Variants in ABCA12 observed in about 807,000 individuals in gnomAD.
The protein encoded by ABCA12 is ATP binding cassette subfamily A member 12.
A neutral mutation model predicts 293.5 loss-of-function variants in ABCA12; 156 were observed. The observed-to-expected ratio is 0.53, with a 90% CI of 0.47 to 0.61. The LOEUF (loss-of-function observed/expected upper bound fraction) is 0.61, where lower values mean the gene tolerates loss of function less well. Among genes scored for constraint, ABCA12 ranks in the 20% least tolerant of loss-of-function variants. The pLI is 0.00. For synonymous variants in ABCA12, 1,063 were observed against 1,108.0 expected (o/e 0.96, Z 0.81); for missense variants, 2,797 against 3,090.2 (o/e 0.91, Z 2.25).
chr2:214,966,592 A>G (rs1008262895), intron 39 of ABCA12, among the ~76,000 whole-genome samples: 1 of 152,202 alleles, frequency 6.6e-6, no homozygotes, highest in Non-Finnish European at 1.5e-5. Flanking sequence ...TGCTTGGTTG[A>G]CAGCAGACAT....
At chr2:215,124,953 C>T (rs1241337874) in intron 1 of ABCA12, among the ~76,000 whole-genome samples, 3 of 152,146 alleles carry the variant, frequency 2.0e-5, no homozygotes, top group African/African-American at 7.2e-5. Context: ...CGGTTTAAGT[C>T]CTTAATCCAC....
chr2:215,129,197 T>G (rs1702996425), intron 1 of ABCA12, among the ~76,000 whole-genome samples: 1 of 152,186 alleles, frequency 6.6e-6, no homozygotes, highest in African/African-American at 2.4e-5. Context: ...GCTTCTCCTG[T>G]GGAGGTGTGT....
intron 1 of ABCA12, among the ~76,000 whole-genome samples, chr2:215,118,999 C>T (rs1198667417): frequency 6.6e-6 from 1 of 151,964 alleles, no homozygotes; most frequent in Non-Finnish European, 1.5e-5. Flanking sequence ...TTTTTGAGAC[C>T]GATTCTCACT....
chr2:215,048,046 C>T (rs1029849444), intron 6 of ABCA12, among the ~76,000 whole-genome samples: 1 of 151,008 alleles, frequency 6.6e-6, no homozygotes, highest in East Asian at 1.9e-4. Flanking sequence ...CATATACCTA[C>T]AGCCAACAAG....
intron 41 of ABCA12, 47 bp downstream of exon 41, chr2:214,958,230 C>A (rs771527429): frequency 2.5e-6 from 4 of 1,606,468 alleles, no homozygotes; most frequent in Non-Finnish European, 2.6e-6. Context: ...TGTCTTCTAT[C>A]CAAATTGATC....
chr2:215,050,880 A>G (rs1036374293), intron 5 of ABCA12: 2 of 887,114 alleles, frequency 2.3e-6, no homozygotes, highest in African/African-American at 3.6e-5. Flanking sequence ...TTGCTGACAT[A>G]GGCATCAATA....
intron 4 of ABCA12, among the ~76,000 whole-genome samples, chr2:215,052,932 T>C (rs961082187): frequency 3.3e-5 from 5 of 152,096 alleles, no homozygotes; most frequent in African/African-American, 1.2e-4. Flanking sequence ...GTGCCTACAC[T>C]AGCTCCACAG....
chr2:215,094,448 C>T (rs1045114979), intron 2 of ABCA12, among the ~76,000 whole-genome samples: 2 of 152,176 alleles, frequency 1.3e-5, no homozygotes, highest in African/African-American at 4.8e-5. Context: ...AAGTTGTCCA[C>T]CTATCAATCC....
chr2:215,127,368 G>C (rs549810855), intron 1 of ABCA12, among the ~76,000 whole-genome samples: 2 of 152,080 alleles, frequency 1.3e-5, no homozygotes, highest in African/African-American at 4.8e-5. Flanking sequence ...CCTTGATGAC[G>C]TGTCTAATGC....
At position 215,039,231 on chromosome 2, in the gene ABCA12, T is replaced by C. The variant is rs184417703; in HGVS notation, c.873-2166A>G. ...GTTGGTTTATATACAACATACAATG[T>C]AAAAAAATGCTGGAGAAATAACAAA... is the stretch of plus-strand genomic sequence containing the variant. On this transcript the variant is annotated intron_variant, in intron 7 of 52. Transcript: ENST00000272895. 8.7e-4 allele frequency among the ~76,000 whole-genome samples: 132 copies of C among 152,198 alleles called. 1 individual carries two copies. Among genetic ancestry groups the C allele is most frequent in the Non-Finnish European group, 1.4e-3 (96 of 68,010 alleles).
At chr2:214,985,090 G>T (rs1699757375) in intron 28 of ABCA12, among the ~76,000 whole-genome samples, 2 of 152,122 alleles carry the variant, frequency 1.3e-5, no homozygotes, top group African/African-American at 4.8e-5. Context: ...TATGAACAAA[G>T]GAATATGCAG....
At chr2:215,028,733 TTA>T (rs1480990477) in intron 9 of ABCA12, among the ~76,000 whole-genome samples, 5 of 152,328 alleles carry the variant, frequency 3.3e-5, no homozygotes, top group Middle Eastern at 3.4e-3. Flanking sequence ...ACTAACCCTA[TTA>T]TATAGGTTAT....
chr2:215,119,510 T>C (rs904403942), intron 1 of ABCA12, among the ~76,000 whole-genome samples: 2 of 152,098 alleles, frequency 1.3e-5, no homozygotes, highest in Middle Eastern at 3.2e-3. Context: ...TCCAGTTTTA[T>C]TCTTCTGCAT....
At chr2:215,085,251 C>T (rs1559185443) in intron 2 of ABCA12, among the ~76,000 whole-genome samples, 1 of 152,278 alleles carries the variant, frequency 6.6e-6, no homozygotes, top group Admixed American at 6.5e-5. Flanking sequence ...ATGCACAAGA[C>T]TTTCACTGTT....
At chr2:215,017,151 G>T (rs956183709) in intron 14 of ABCA12, among the ~76,000 whole-genome samples, 1 of 152,120 alleles carries the variant, frequency 6.6e-6, no homozygotes, top group Non-Finnish European at 1.5e-5. Flanking sequence ...TTTTTTAAGG[G>T]GAACCTTAAA....
chr2:215,111,469 A>G (rs1702568420), intron 2 of ABCA12, 128 bp downstream of exon 2: 1 of 657,124 alleles, frequency 1.5e-6, no homozygotes, highest in Non-Finnish European at 2.7e-6. Flanking sequence ...CAAATTGTTC[A>G]TATTAATCCT....
At chr2:215,119,752 A>AAAAAAAAAAAAAAAAAC (rs1203424589) in intron 1 of ABCA12, among the ~76,000 whole-genome samples, 29 of 142,980 alleles carry the variant, frequency 2.0e-4, no homozygotes, top group African/African-American at 8.2e-4. Context: ...AAAAAAAAAA[A>AAAAAAAAAAAAAAAAAC]TGAAAACAAA....
At chr2:215,120,830 G>T (rs150394109) in intron 1 of ABCA12, among the ~76,000 whole-genome samples, 2 of 152,260 alleles carry the variant, frequency 1.3e-5, no homozygotes, top group Non-Finnish European at 2.9e-5. Flanking sequence ...ATTTGTCTAA[G>T]TTTGGCCACT....
intron 20 of ABCA12, among the ~76,000 whole-genome samples, chr2:215,002,178 A>G (rs1478509724): frequency 1.3e-5 from 2 of 152,250 alleles, no homozygotes; most frequent in Non-Finnish European, 2.9e-5. Flanking sequence ...TAGAATGCAT[A>G]GGATAAATAA....
Sources: gnomAD v4.1 joint callset for allele counts (sites outside exome capture counted in the v4.1 genomes callset) on GRCh38, gnomAD v4.1.1 for gene constraint, MANE v1.5 for transcripts, NCBI Gene and HGNC (gene_info 2026-07-23, HGNC 2026-07-21) for gene names.